The following PRIM2 variants were observed in gnomAD, a reference collection of about 807,000 sequenced individuals.
PRIM2 encodes the protein DNA primase large subunit.
In PRIM2, 39 loss-of-function variants were observed where a neutral mutation model predicts 67.3. The ratio of observed to expected loss-of-function variants is 0.58; its 90% confidence interval spans 0.45 to 0.76. The LOEUF (loss-of-function observed/expected upper bound fraction) is 0.76, where lower values mean the gene tolerates loss of function less well. PRIM2 is among the 30% of genes least tolerant of loss of function. The pLI, the probability that PRIM2 is intolerant of heterozygous loss-of-function variation, is 0.00. For missense variants in PRIM2, 398 were observed against 598.7 expected (o/e 0.66, Z 3.50); for synonymous variants, 143 against 198.7 (o/e 0.72, Z 2.36).
At chr6:57,412,707 G>A (rs1771130396) in intron 7 of PRIM2, among the ~76,000 whole-genome samples, 1 of 152,016 alleles carries the variant, frequency 6.6e-6, no homozygotes, top group South Asian at 2.1e-4. Context: ...TAATTTTCTT[G>A]AAAAGTTTTA....
intron 5 of PRIM2, among the ~76,000 whole-genome samples, chr6:57,326,849 G>C (rs1365087664): frequency 6.6e-6 from 1 of 151,350 alleles, no homozygotes; most frequent in African/African-American, 2.4e-5. Flanking sequence ...AGAGATCTTT[G>C]GGACTCATTT....
chr6:57,464,764 TCTC>T (rs1317749183), intron 7 of PRIM2, among the ~76,000 whole-genome samples: 3 of 152,166 alleles, frequency 2.0e-5, no homozygotes, highest in Admixed American at 1.3e-4. Flanking sequence ...CAGGCACTAT[TCTC>T]CTCCTCTCCA....
At position 57,457,588 on chromosome 6, in the gene PRIM2, G is replaced by T. The variant is rs77652438; in HGVS notation, c.694-49799G>T. 1.3e-3 allele frequency among the ~76,000 whole-genome samples: 204 copies of T among 152,320 alleles called. 2 individuals are homozygous for T. In the East Asian group the frequency reaches 0.02, roughly 15 times the overall value. On this transcript the variant is annotated intron_variant, in intron 7 of 13. Transcript: ENST00000615550. The stretch of plus-strand genomic sequence containing the variant: ...CTGTGGGTGTAGGACCCCCGAGCCA[G>T]GCGTGGGATATAATCTCTTGGTGTG...
At chr6:57,390,299 A>G (rs531665315) in intron 7 of PRIM2, 4 of 153,018 alleles carry the variant, frequency 2.6e-5, no homozygotes, top group East Asian at 1.9e-4. Flanking sequence ...GCTCAGCTGA[A>G]CTTGATTGTT....
chr6:57,297,623 C>G, the PRIM2 span, among the ~76,000 whole-genome samples: 2 of 152,078 alleles, frequency 1.3e-5, no homozygotes, highest in South Asian at 2.1e-4. Flanking sequence ...AAAATAGAAA[C>G]TTTTCAGTGG....
the PRIM2 span, among the ~76,000 whole-genome samples, chr6:57,282,633 A>G: frequency 1.3e-5 from 2 of 152,204 alleles, no homozygotes; most frequent in African/African-American, 4.8e-5. Context: ...ACGTAAAATG[A>G]GGTCTTATGG....
chr6:57,323,138 C>T (rs764038858), intron 3 of PRIM2, among the ~76,000 whole-genome samples: 92 of 151,620 alleles, frequency 6.1e-4, no homozygotes, highest in Non-Finnish European at 1.0e-3. Context: ...CTTAGGGCAC[C>T]GCCTGGTACC....
chr6:57,325,107 G>A (rs554564515), intron 4 of PRIM2, among the ~76,000 whole-genome samples: 20 of 152,050 alleles, frequency 1.3e-4, no homozygotes, highest in African/African-American at 4.3e-4. Context: ...TTTAAATATT[G>A]TGGTATATAT....
intron 7 of PRIM2, among the ~76,000 whole-genome samples, chr6:57,479,688 T>C (rs1366241122): frequency 6.6e-5 from 10 of 152,172 alleles, no homozygotes; most frequent in Non-Finnish European, 1.3e-4. Flanking sequence ...CTGTCCTCAT[T>C]ATGGAGCTCA....
intron 7 of PRIM2, among the ~76,000 whole-genome samples, chr6:57,478,697 T>G (rs1773539737): frequency 6.6e-6 from 1 of 152,152 alleles, no homozygotes; most frequent in African/African-American, 2.4e-5. Context: ...TGGGTTTGAG[T>G]CTTGACCTGC....
the PRIM2 span, among the ~76,000 whole-genome samples, chr6:57,286,678 C>G: frequency 6.1e-4 from 93 of 152,218 alleles, 1 homozygote; most frequent in African/African-American, 2.2e-3. Context: ...TAGGCAATAC[C>G]ATTCAGGACA....
chr6:57,524,878 A>G (rs1278577328), intron 8 of PRIM2, among the ~76,000 whole-genome samples: 1 of 152,098 alleles, frequency 6.6e-6, no homozygotes, highest in Admixed American at 6.6e-5. Context: ...AGGCACTATT[A>G]TATGTACACT....
intron 7 of PRIM2, chr6:57,382,821 A>C (rs1770008872): frequency 6.6e-6 from 1 of 152,214 alleles, no homozygotes; most frequent in Non-Finnish European, 1.5e-5. Context: ...ATGCAGAAGA[A>C]GACTTCAAAG....
In PRIM2 at chr6:57,382,388, T is replaced by A. The variant is rs1769994725; in HGVS notation, c.693+220T>A. Reference sequence around the variant, plus strand: ...AAGTTTTTTTTCTTGATCCTACTAATACCAATGCTGAGTGATTAATTTTGT... The same window carrying A: ...AAGTTTTTTTTCTTGATCCTACTAAAACCAATGCTGAGTGATTAATTTTGT... On this transcript the variant is annotated intron_variant, in intron 7 of 13. Transcript: ENST00000615550. 34 of 402,276 alleles carry A rather than the reference T, an allele frequency of 8.5e-5. No homozygotes were observed. The Admixed American group carries it at 1.2e-3, about 14-fold the overall frequency. The allele number at this position is 402,276 out of a possible 1,614,324, so 24.9% of individuals were successfully genotyped here.
intron 8 of PRIM2, among the ~76,000 whole-genome samples, chr6:57,520,885 A>G (rs1442612911): frequency 6.6e-6 from 1 of 152,212 alleles, no homozygotes; most frequent in Non-Finnish European, 1.5e-5. Context: ...CCTACCTGGT[A>G]TGGAAACCCG....
intron 7 of PRIM2, among the ~76,000 whole-genome samples, chr6:57,411,908 A>G (rs1219349268): frequency 5.9e-5 from 9 of 152,002 alleles, no homozygotes; most frequent in Admixed American, 5.2e-4. Context: ...ATAATGTAAT[A>G]TATAGAGTTG....
chr6:57,358,515 G>A (rs1245675922), intron 5 of PRIM2, among the ~76,000 whole-genome samples: 4 of 152,198 alleles, frequency 2.6e-5, no homozygotes, highest in Admixed American at 6.5e-5. Context: ...ACCTAGCACA[G>A]CTGCAAACTA....
intron 5 of PRIM2, among the ~76,000 whole-genome samples, chr6:57,339,138 C>T (rs1231927021): frequency 6.6e-6 from 1 of 151,924 alleles, no homozygotes; most frequent in Non-Finnish European, 1.5e-5. Flanking sequence ...CCTAGGAATC[C>T]AACTTACAAG....
At position 57,631,094 on chromosome 6, in the gene PRIM2, C is replaced by T. The variant is rs1475599377; in HGVS notation, c.1231-1039C>T. On this transcript the variant is annotated intron_variant, in intron 12 of 13. Transcript: ENST00000615550. Reference sequence around the variant, plus strand: ...AACAATTTTTGAAGCACATTCTTGTCAGTATTGTATAATGCCTGTTCTGTA... The same window carrying T: ...AACAATTTTTGAAGCACATTCTTGTTAGTATTGTATAATGCCTGTTCTGTA... 2.0e-5 allele frequency among the ~76,000 whole-genome samples: 3 copies of T among 152,096 alleles called. No individual in the cohort carries two copies. The East Asian group carries it at 5.8e-4, about 29-fold the overall frequency.
Sources: gnomAD v4.1 joint callset for allele counts (sites outside exome capture counted in the v4.1 genomes callset) on GRCh38, gnomAD v4.1.1 for gene constraint, MANE v1.5 for transcripts, NCBI Gene and HGNC (gene_info 2026-07-23, HGNC 2026-07-21) for gene names.